The following ADGRL2 variants were observed in gnomAD, a reference collection of about 807,000 sequenced individuals.
The protein encoded by ADGRL2 is calcium-independent alpha-latrotoxin receptor 2.
In ADGRL2, 44 loss-of-function variants were observed where a neutral mutation model predicts 157.4. The ratio of observed to expected loss-of-function variants is 0.28; its 90% CI spans 0.22 to 0.36. The LOEUF (loss-of-function observed/expected upper bound fraction) is 0.36, where lower values mean the gene tolerates loss of function less well. Among genes scored for constraint, ADGRL2 ranks in the 10% least tolerant of loss-of-function variants. The pLI is 1.00. For missense variants in ADGRL2, 1,510 were observed against 1,768.9 expected, an observed-to-expected ratio of 0.85 and a Z score of 2.63; for synonymous variants, 585 against 624.7, an observed-to-expected ratio of 0.94 and a Z score of 0.95.
chr1:81,741,724 AG>A (rs2085078985), intron 1 of ADGRL2, among the ~76,000 whole-genome samples: 1 of 152,132 alleles, frequency 6.6e-6, no homozygotes, highest in East Asian at 1.9e-4. Context: ...TAATGTTATC[AG>A]TGTGGTGATT....
At chr1:81,338,679 A>T (rs1484369317) in intron 1 of ADGRL2, among the ~76,000 whole-genome samples, 3 of 152,230 alleles carry the variant, frequency 2.0e-5, no homozygotes, top group Non-Finnish European at 4.4e-5. Context: ...CATGTACCAG[A>T]TATGTTCTAA....
At chr1:81,785,890 T>C (rs1421591241) in intron 2 of ADGRL2, among the ~76,000 whole-genome samples, 1 of 151,886 alleles carries the variant, frequency 6.6e-6, no homozygotes, top group Admixed American at 6.6e-5. Context: ...GAGGATCACT[T>C]GAGCCCAGGA....
chr1:81,943,654 G>T lies in ADGRL2; in HGVS notation c.1095G>T (p.Gln365His). ...GEYVDVPFPN[Q>H]YQYIAAVDYN... ...ATGTAGATGTTCCCTTCCCCAACCAGTATCAGTATATTGCTGCAGTGGATT... is the reference window on the plus strand; with the variant it reads ...ATGTAGATGTTCCCTTCCCCAACCATTATCAGTATATTGCTGCAGTGGATT... The change falls in exon 6 of 24, where the codon CAG becomes CAT. Residue 365 changes from glutamine to histidine, a missense_variant. Transcript: ENST00000686636. The surrounding 1 kb of genome is among the most constrained non-coding windows in gnomAD (Gnocchi z 5.6). The T allele has an allele frequency of 3.1e-6, 5 of 1,613,510 alleles. No individual in the cohort carries two copies. The highest frequency in any genetic ancestry group is 4.2e-6 in the Non-Finnish European group (5 of 1,179,584).
intron 2 of ADGRL2, among the ~76,000 whole-genome samples, chr1:81,476,982 G>A (rs1026234790): frequency 9.2e-5 from 14 of 152,126 alleles, no homozygotes; most frequent in Admixed American, 2.6e-4. Flanking sequence ...GCTGCCCTGT[G>A]GAAATATCCA....
chr1:81,576,882 C>CT (rs1425297603), intron 2 of ADGRL2, among the ~76,000 whole-genome samples: 1 of 152,102 alleles, frequency 6.6e-6, no homozygotes. Flanking sequence ...TACTTTCTCA[C>CT]TAAAAAATAG....
chr1:81,746,927 T>C, intron 1 of ADGRL2, among the ~76,000 whole-genome samples: 1 of 148,730 alleles, frequency 6.7e-6, no homozygotes, highest in East Asian at 2.0e-4. Context: ...TATATACGTA[T>C]ATACACACGT....
At chr1:81,856,764 A>G (rs753563817) in intron 2 of ADGRL2, among the ~76,000 whole-genome samples, 5 of 152,144 alleles carry the variant, frequency 3.3e-5, no homozygotes, top group Non-Finnish European at 7.4e-5. Context: ...TAATATGCCA[A>G]AACTTAGCCA....
At chr1:81,592,705 G>C (rs969910885) in intron 3 of ADGRL2, among the ~76,000 whole-genome samples, 7 of 152,166 alleles carry the variant, frequency 4.6e-5, no homozygotes, top group African/African-American at 1.7e-4. Context: ...GCTGAAAACT[G>C]TGAGAGCTTG....
chr1:81,929,694 T>C (rs144519220), intron 3 of ADGRL2, among the ~76,000 whole-genome samples: 7 of 152,312 alleles, frequency 4.6e-5, no homozygotes, highest in Non-Finnish European at 8.8e-5. Context: ...GAGCCTGTTT[T>C]TAAAGCTGTA....
chr1:81,358,076 C>A (rs1003416950), intron 1 of ADGRL2, among the ~76,000 whole-genome samples: 1 of 139,164 alleles, frequency 7.2e-6, no homozygotes, highest in South Asian at 2.6e-4. Flanking sequence ...TTAATATTAG[C>A]CTTTTTTATT....
At chr1:81,765,375 CA>C (rs1378581855) in intron 2 of ADGRL2, among the ~76,000 whole-genome samples, 1 of 151,926 alleles carries the variant, frequency 6.6e-6, no homozygotes, top group Non-Finnish European at 1.5e-5. Context: ...TAACCAAAAT[CA>C]GGGGCAATGT....
chr1:81,885,514 G>A (rs548005285), intron 2 of ADGRL2, among the ~76,000 whole-genome samples: 68 of 152,200 alleles, frequency 4.5e-4, no homozygotes, highest in Non-Finnish European at 9.0e-4. Flanking sequence ...GTTAATTACT[G>A]CTCACAGATA....
intron 14 of ADGRL2, 64 bp downstream of exon 14, chr1:81,968,263 A>T: frequency 1.5e-6 from 2 of 1,371,752 alleles, no homozygotes; most frequent in Non-Finnish European, 2.0e-6. Context: ...CAGCTTGTAT[A>T]ATAGTCCCAT....
intron 3 of ADGRL2, chr1:81,588,576 G>T (rs1420373081): frequency 1.3e-5 from 2 of 152,258 alleles, no homozygotes; most frequent in Non-Finnish European, 2.9e-5. Flanking sequence ...GACTACTTCT[G>T]CAGGTCTAGA....
chr1:81,699,403 A>G (rs1377685375), upstream of ADGRL2, among the ~76,000 whole-genome samples: 1 of 152,222 alleles, frequency 6.6e-6, no homozygotes. Context: ...ATTGTGTACT[A>G]CAATGACGGT....
At chr1:81,463,222 T>C (rs565128964) in intron 2 of ADGRL2, among the ~76,000 whole-genome samples, 19 of 150,248 alleles carry the variant, frequency 1.3e-4, no homozygotes, top group East Asian at 7.8e-4. Context: ...CAGGGGAGAG[T>C]TGGTGTCAGA....
intron 3 of ADGRL2, among the ~76,000 whole-genome samples, chr1:81,688,373 T>C (rs956427827): frequency 2.0e-4 from 30 of 152,088 alleles, no homozygotes; most frequent in African/African-American, 7.0e-4. Context: ...ATTTTCTTAT[T>C]CTTTTTTCTT....
intron 1 of ADGRL2, among the ~76,000 whole-genome samples, chr1:81,369,611 C>G (rs1158973045): frequency 6.6e-6 from 1 of 152,130 alleles, no homozygotes; most frequent in Non-Finnish European, 1.5e-5. Context: ...TGACCTTATT[C>G]TGAAGCGACT....
At chr1:81,566,899 A>G (rs1455751895) in intron 2 of ADGRL2, among the ~76,000 whole-genome samples, 1 of 152,158 alleles carries the variant, frequency 6.6e-6, no homozygotes, top group African/African-American at 2.4e-5. Flanking sequence ...TTAAGGCAAT[A>G]AAGACATTCA....
Sources: allele counts gnomAD v4.1 joint callset (sites outside exome capture counted in the v4.1 genomes callset), GRCh38; gene constraint gnomAD v4.1.1; non-coding constraint Gnocchi (gnomAD v3.1); transcripts MANE v1.5; gene names NCBI Gene and HGNC (gene_info 2026-07-23, HGNC 2026-07-21).